The following C4orf51 variants were observed in gnomAD, a reference collection of about 807,000 sequenced individuals.
The protein encoded by C4orf51 is chromosome 4 open reading frame 51.
C4orf51 carries 25 observed loss-of-function variants against 25.2 expected under a neutral mutation model. That is an observed-to-expected ratio of 0.99 (90% CI 0.72 to 1.39). The LOEUF is 1.39. Ranked by LOEUF, C4orf51 falls within the 40% of genes most tolerant of loss-of-function variation. The pLI is 0.00. For missense variants in C4orf51, 252 were observed against 239.6 expected (o/e 1.05, Z -0.34); for synonymous variants, 100 against 84.5 (o/e 1.18, Z -1.01).
chr4:145,716,771 GA>G (rs1028311017), intron 2 of C4orf51, among the ~76,000 whole-genome samples: 15 of 152,162 alleles, frequency 9.9e-5, no homozygotes, highest in Admixed American at 5.2e-4. Flanking sequence ...TGCCTTGGAT[GA>G]TCACTATTCT....
Position 145,761,062 on chromosome 4 carries a change from G to A in C4orf51, n.167-9926G>A. On this transcript the variant is annotated intron_variant and non_coding_transcript_variant, in intron 1 of 1. Transcript: ENST00000510096. The surrounding 1 kb of genome is among the most constrained non-coding windows in gnomAD (Gnocchi z 6.8). ...CAGGGCCACGGTCTGCAGAGCCTGG[G>A]AGGCAGACATAACTGACAGGGGAGA... 7.8e-7 allele frequency: 1 copy of A among 1,289,382 alleles called. No homozygotes were observed. Among genetic ancestry groups the A allele is most frequent in the Non-Finnish European group, 1.0e-6 (1 of 988,570 alleles). 79.9% of individuals were successfully genotyped at this position (1,289,382 alleles called of 1,614,324 possible). A position where few individuals can be genotyped will look rare whatever the true frequency, so the allele number is the denominator to read the frequency against.
chr4:145,737,595 G>T (rs1410095269), downstream of C4orf51, among the ~76,000 whole-genome samples: 2 of 151,954 alleles, frequency 1.3e-5, no homozygotes, highest in African/African-American at 4.8e-5. Context: ...TTTTCTAAGG[G>T]CTTGTATGTC....
At chr4:145,764,971 G>A in intron 1 of C4orf51, 1 of 1,611,248 alleles carries the variant, frequency 6.2e-7, no homozygotes, top group Non-Finnish European at 8.5e-7. Context: ...AAAAGGTTCT[G>A]TACTTGCTTT....
intron 2 of C4orf51, among the ~76,000 whole-genome samples, chr4:145,725,429 G>A (rs1035355069): frequency 9.2e-5 from 14 of 151,976 alleles, no homozygotes; most frequent in Non-Finnish European, 2.1e-4. Context: ...GTGATGCTGC[G>A]TATAGGTTTT....
Position 145,761,279 on chromosome 4 carries a change from G to A in C4orf51, n.167-9709G>A, listed in dbSNP as rs751563756. ...TCTTCGCAGCTGAAGGTCTGGCGTG[G>A]GGCGTGCTTCAGCTTCTTGTGCAGG... On this transcript the variant is annotated intron_variant and non_coding_transcript_variant, in intron 1 of 1. Transcript: ENST00000510096. This position sits in a 1 kb window ranked among gnomAD's most constrained non-coding sequence, Gnocchi z 6.8. 2 of 1,289,934 alleles carry A rather than the reference G, an allele frequency of 1.6e-6. No individual in the cohort carries two copies. Among genetic ancestry groups the A allele is most frequent in the South Asian group, 2.5e-5 (2 of 81,032 alleles). The allele number at this position is 1,289,934 out of a possible 1,614,324, so 79.9% of individuals were successfully genotyped here. A position where few individuals can be genotyped will look rare whatever the true frequency, so the allele number is the denominator to read the frequency against.
intron 1 of C4orf51, among the ~76,000 whole-genome samples, chr4:145,770,297 TTAAAATAAATAAA>T (rs1032827859): frequency 1.4e-5 from 2 of 141,096 alleles, no homozygotes; most frequent in African/African-American, 5.4e-5. Context: ...AGACCCTGTC[TTAAAATAAATAAA>T]TAAATAAATA....
chr4:145,722,722 G>T (rs1217522065), intron 2 of C4orf51, among the ~76,000 whole-genome samples: 1 of 152,188 alleles, frequency 6.6e-6, no homozygotes, highest in African/African-American at 2.4e-5. Flanking sequence ...TGTACAGCAG[G>T]GGGTGTACAG....
intron 2 of C4orf51, among the ~76,000 whole-genome samples, chr4:145,703,498 G>T (rs1000629942): frequency 6.6e-6 from 1 of 152,130 alleles, no homozygotes; most frequent in Non-Finnish European, 1.5e-5. Context: ...ACACGGACGC[G>T]CATGAAACTC....
In C4orf51 at chr4:145,765,666, G is replaced by A. The variant is rs1372444463; in HGVS notation, n.167-5322G>A. On this transcript the variant is annotated intron_variant and non_coding_transcript_variant, in intron 1 of 1. Coordinates refer to the C4orf51 transcript ENST00000510096. The surrounding 1 kb of genome is among the most constrained non-coding windows in gnomAD (Gnocchi z 4.7). ...GCCATCTGAATCATCTTTGCTGTTG[G>A]CTGAATCACTCAGAGCTGAGAGGGA... 6.2e-7 allele frequency: 1 copy of A among 1,614,122 alleles called. No individual in the cohort carries two copies. Among genetic ancestry groups the A allele is most frequent in the Non-Finnish European group, 8.5e-7 (1 of 1,180,020 alleles).
intron 1 of C4orf51, among the ~76,000 whole-genome samples, chr4:145,752,402 C>T (rs923103743): frequency 2.6e-5 from 4 of 152,174 alleles, no homozygotes; most frequent in African/African-American, 9.7e-5. Context: ...CTCTTCAAGG[C>T]AGCAATTTCT....
At chr4:145,758,617 C>T (rs1734146442), downstream of C4orf51, 1 of 152,330 alleles carries the variant, frequency 6.6e-6, no homozygotes, top group Admixed American at 6.5e-5. Flanking sequence ...CCAACCCACC[C>T]ATAAGCCCAG....
intron 1 of C4orf51, among the ~76,000 whole-genome samples, chr4:145,680,766 T>G (rs572373670): frequency 2.0e-5 from 3 of 152,294 alleles, no homozygotes; most frequent in Admixed American, 1.3e-4. Flanking sequence ...CTTGTTTGGT[T>G]TTCTGGCTTT....
chr4:145,702,180 A>G (rs888903509), intron 2 of C4orf51, among the ~76,000 whole-genome samples: 8 of 151,830 alleles, frequency 5.3e-5, no homozygotes, highest in African/African-American at 1.2e-4. Flanking sequence ...CCATTCCCCC[A>G]TTTTACCTGT....
chr4:145,738,660 G>A (rs934011259), intron 1 of C4orf51, among the ~76,000 whole-genome samples: 1 of 151,674 alleles, frequency 6.6e-6, no homozygotes, highest in African/African-American at 2.4e-5. Context: ...ATTATTTTGA[G>A]ATAGGGTCTT....
intron 1 of C4orf51, among the ~76,000 whole-genome samples, chr4:145,688,303 A>G (rs1373416227): frequency 6.6e-6 from 1 of 152,168 alleles, no homozygotes; most frequent in Non-Finnish European, 1.5e-5. Flanking sequence ...TCAGAAAACC[A>G]GAAGACATTA....
chr4:145,753,952 G>A (rs1239639977), intron 1 of C4orf51, among the ~76,000 whole-genome samples: 1 of 152,230 alleles, frequency 6.6e-6, no homozygotes, highest in African/African-American at 2.4e-5. Flanking sequence ...GCCTCTTAAT[G>A]TGCCAACTCC....
chr4:145,778,442 CTT>C, the C4orf51 span, among the ~76,000 whole-genome samples: 210 of 150,122 alleles, frequency 1.4e-3, 1 homozygote, highest in African/African-American at 4.9e-3. Flanking sequence ...CAACAAAAAC[CTT>C]TTTTTTTTAA....
chr4:145,758,480 C>A (rs1000689809), downstream of C4orf51: 8 of 152,200 alleles, frequency 5.3e-5, no homozygotes, highest in South Asian at 1.7e-3. Flanking sequence ...TGTGGGACTA[C>A]TTTAGCCCTC....
At chr4:145,689,400 CAT>C (rs1464495068) in intron 1 of C4orf51, among the ~76,000 whole-genome samples, 1 of 151,676 alleles carries the variant, frequency 6.6e-6, no homozygotes, top group Non-Finnish European at 1.5e-5. Context: ...ATCTATGAGA[CAT>C]ATATGTATCT....
Sources: allele counts gnomAD v4.1 joint callset (sites outside exome capture counted in the v4.1 genomes callset), GRCh38; gene constraint gnomAD v4.1.1; non-coding constraint Gnocchi (gnomAD v3.1); transcripts MANE v1.5; gene names NCBI Gene and HGNC (gene_info 2026-07-23, HGNC 2026-07-21).